Variants in PCCA observed in about 807,000 individuals in gnomAD.
PCCA encodes the protein propionyl-CoA carboxylase alpha chain, mitochondrial.
In PCCA, 74 loss-of-function variants were observed where a neutral mutation model predicts 101.3. The observed-to-expected ratio is 0.73, with a 90% CI of 0.61 to 0.89. The LOEUF is 0.89. Among genes scored for constraint, PCCA ranks in the 40% least tolerant of loss-of-function variants. The pLI, the probability that PCCA is intolerant of heterozygous loss-of-function variation, is 0.00. For missense variants in PCCA, 891 were observed against 907.0 expected (o/e 0.98, Z 0.23); for synonymous variants, 294 against 313.6 (o/e 0.94, Z 0.66).
intron 1 of PCCA, among the ~76,000 whole-genome samples, chr13:100,099,732 C>T (rs1038575706): frequency 6.6e-6 from 1 of 152,076 alleles, no homozygotes; most frequent in African/African-American, 2.4e-5. Context: ...CTACCATTTC[C>T]CCCGCTTTTT....
intron 1 of PCCA, among the ~76,000 whole-genome samples, chr13:100,089,604 T>A (rs963671467): frequency 6.6e-6 from 1 of 152,244 alleles, no homozygotes; most frequent in Non-Finnish European, 1.5e-5. Context: ...GTCCTTATAG[T>A]TTCCGTGTTC....
At chr13:100,442,704 T>G (rs1201801966) in intron 20 of PCCA, among the ~76,000 whole-genome samples, 1 of 152,160 alleles carries the variant, frequency 6.6e-6, no homozygotes, top group Non-Finnish European at 1.5e-5. Flanking sequence ...TAAGGTGATT[T>G]TAGTACTAAG....
intron 6 of PCCA, among the ~76,000 whole-genome samples, chr13:100,177,591 G>A (rs949166566): frequency 1.3e-5 from 2 of 152,162 alleles, no homozygotes; most frequent in African/African-American, 4.8e-5. Flanking sequence ...GTGTTGAGAA[G>A]GGAGTATCTG....
intron 17 of PCCA, among the ~76,000 whole-genome samples, chr13:100,337,984 A>G (rs1181135824): frequency 6.6e-6 from 1 of 152,246 alleles, no homozygotes; most frequent in African/African-American, 2.4e-5. Flanking sequence ...AACTGGCTTC[A>G]TGAACTACTA....
At chr13:100,163,931 C>A (rs2054759779) in intron 6 of PCCA, among the ~76,000 whole-genome samples, 1 of 152,056 alleles carries the variant, frequency 6.6e-6, no homozygotes, top group South Asian at 2.1e-4. Context: ...CCTAACATTT[C>A]ATATTCTAGT....
intron 6 of PCCA, among the ~76,000 whole-genome samples, chr13:100,185,523 G>A (rs1476043970): frequency 2.0e-5 from 3 of 151,784 alleles, no homozygotes; most frequent in African/African-American, 4.8e-5. Context: ...CTAATTTTAT[G>A]TTTTGCAGAG....
intron 12 of PCCA, among the ~76,000 whole-genome samples, chr13:100,298,668 CTCCCTCCTTCCTTCCTTCCTTCCT>C (rs2065813478): frequency 5.5e-4 from 2 of 3,618 alleles, no homozygotes; most frequent in Non-Finnish European, 1.0e-3. Flanking sequence ...CCCTCCCTCC[CTCCCTCCTTCCTTCCTTCCTTCCT>C]TCCTTCCTTC....
At chr13:100,398,753 A>G (rs988953665) in intron 19 of PCCA, among the ~76,000 whole-genome samples, 3 of 152,106 alleles carry the variant, frequency 2.0e-5, no homozygotes, top group Non-Finnish European at 2.9e-5. Context: ...CATCTCCCAT[A>G]CTTTTAGATA....
intron 7 of PCCA, among the ~76,000 whole-genome samples, chr13:100,213,854 A>G (rs1407016023): frequency 6.6e-6 from 1 of 152,162 alleles, no homozygotes; most frequent in Non-Finnish European, 1.5e-5. Flanking sequence ...TGGTAGTTTC[A>G]TAATTTGAGG....
rs1385391285 is a variant in PCCA, at chr13:100,294,555, G to A, written c.1066-6905G>A. On this transcript the variant is annotated intron_variant, in intron 12 of 23. Coordinates refer to ENST00000376285, the MANE Select transcript of PCCA (RefSeq NM_000282.4). ...TCCCATCCCCCCAAAATGAAGACTT[G>A]ACACCGGTTAGTCTATTCTAAACAT... is the stretch of plus-strand genomic sequence containing the variant. Among the ~76,000 whole-genome samples the A allele has an allele frequency of 2.0e-5, 3 of 152,098 alleles. No homozygotes were observed. The East Asian group carries it at 5.8e-4, about 29-fold the overall frequency.
intron 12 of PCCA, among the ~76,000 whole-genome samples, chr13:100,294,925 G>C (rs570280717): frequency 3.3e-5 from 5 of 152,174 alleles, no homozygotes; most frequent in African/African-American, 1.2e-4. Flanking sequence ...TGGTTTCTAA[G>C]CCCTGCAGTC....
At chr13:100,377,622 G>C (rs562911616) in intron 19 of PCCA, among the ~76,000 whole-genome samples, 16 of 152,198 alleles carry the variant, frequency 1.1e-4, no homozygotes, top group African/African-American at 3.9e-4. Context: ...AGCCTCTCGA[G>C]TAGCTGGGAC....
intron 21 of PCCA, among the ~76,000 whole-genome samples, chr13:100,451,593 G>C (rs550192453): frequency 2.6e-5 from 4 of 151,830 alleles, no homozygotes; most frequent in Admixed American, 2.6e-4. Context: ...TTCATGTATC[G>C]GAAACTGAGC....
chr13:100,315,974 T>C (rs1419615405), intron 16 of PCCA, among the ~76,000 whole-genome samples: 1 of 152,134 alleles, frequency 6.6e-6, no homozygotes, highest in Non-Finnish European at 1.5e-5. Context: ...AAATGCAAAA[T>C]GGTAACTTTC....
intron 19 of PCCA, among the ~76,000 whole-genome samples, chr13:100,379,474 A>G (rs2076104993): frequency 6.6e-6 from 1 of 152,246 alleles, no homozygotes; most frequent in Non-Finnish European, 1.5e-5. Context: ...GGAAAATCCA[A>G]ATAAATGGAA....
intron 7 of PCCA, among the ~76,000 whole-genome samples, chr13:100,230,553 A>T (rs2060409096): frequency 6.6e-6 from 1 of 151,192 alleles, no homozygotes; most frequent in Non-Finnish European, 1.5e-5. Flanking sequence ...AAAAAAAAAA[A>T]AGAAAGAACG....
chr13:100,254,773 T>C (rs1308828987), intron 8 of PCCA, among the ~76,000 whole-genome samples: 1 of 152,084 alleles, frequency 6.6e-6, no homozygotes, highest in Non-Finnish European at 1.5e-5. Context: ...AGAATATAGC[T>C]CAATGGTTAA....
chr13:100,464,870 A>G (rs187691402), intron 21 of PCCA, among the ~76,000 whole-genome samples: 9 of 152,342 alleles, frequency 5.9e-5, no homozygotes, highest in Non-Finnish European at 8.8e-5. Context: ...ATTCTGATAT[A>G]GGACATTTTA....
At chr13:100,426,094 C>T (rs917502589) in intron 20 of PCCA, among the ~76,000 whole-genome samples, 3 of 151,594 alleles carry the variant, frequency 2.0e-5, no homozygotes, top group African/African-American at 4.8e-5. Context: ...GTTGAAATTA[C>T]GTAGTGTTAG....
Sources: allele counts gnomAD v4.1 joint callset (sites outside exome capture counted in the v4.1 genomes callset), GRCh38; gene constraint gnomAD v4.1.1; transcripts MANE v1.5; gene names NCBI Gene and HGNC (gene_info 2026-07-23, HGNC 2026-07-21).